Variants in NRG1 observed in about 807,000 individuals in gnomAD.
The protein encoded by NRG1 is pro-neuregulin-1, membrane-bound isoform.
Under a neutral mutation model 63.8 loss-of-function variants are expected in NRG1, and 18 were observed. The observed-to-expected ratio is 0.28, with a 90% CI of 0.19 to 0.42. NRG1 has a LOEUF of 0.42. Ranked by LOEUF, NRG1 falls within the 10% of genes least tolerant of loss-of-function variation. The pLI is 1.00. For synonymous variants in NRG1, 302 were observed against 301.3 expected (o/e 1.00, Z -0.02); for missense variants, 762 against 814.7 (o/e 0.94, Z 0.79).
intron 1 of NRG1, among the ~76,000 whole-genome samples, chr8:31,886,515 C>A (rs996733480): frequency 5.3e-5 from 8 of 151,954 alleles, no homozygotes; most frequent in Non-Finnish European, 1.0e-4. Flanking sequence ...TAGAAAACAG[C>A]AAAAATAATT....
intron 7 of NRG1, chr8:32,748,763 C>A (rs1010150991): frequency 4.4e-6 from 2 of 452,688 alleles, no homozygotes; most frequent in African/African-American, 2.0e-5. Flanking sequence ...TGGATCTTTC[C>A]CACTTATTTT....
chr8:32,685,602 G>A (rs1185670419), intron 5 of NRG1, among the ~76,000 whole-genome samples: 1 of 152,148 alleles, frequency 6.6e-6, no homozygotes, highest in African/African-American at 2.4e-5. Flanking sequence ...TAGTGTGTCA[G>A]CAACTAGTCT....
chr8:32,715,380 G>C (rs530834320), intron 5 of NRG1, among the ~76,000 whole-genome samples: 4 of 152,256 alleles, frequency 2.6e-5, no homozygotes, highest in African/African-American at 7.2e-5. Context: ...TTCAGACTTA[G>C]AGGAAAATCC....
intron 1 of NRG1, among the ~76,000 whole-genome samples, chr8:31,801,121 A>G (rs1821745529): frequency 1.3e-5 from 2 of 151,854 alleles, no homozygotes; most frequent in Non-Finnish European, 2.9e-5. Flanking sequence ...TGCTGGGGTT[A>G]CAAGTGTGAG....
intron 1 of NRG1, among the ~76,000 whole-genome samples, chr8:31,853,471 G>A (rs1226965189): frequency 1.3e-5 from 2 of 149,890 alleles, no homozygotes; most frequent in East Asian, 2.0e-4. Flanking sequence ...TGTATCCTGA[G>A]ACTTTGCTGA....
chr8:31,696,039 A>G (rs2131158984), intron 1 of NRG1, among the ~76,000 whole-genome samples: 1 of 152,234 alleles, frequency 6.6e-6, no homozygotes, highest in East Asian at 1.9e-4. Flanking sequence ...TAATGTATAC[A>G]TTCAAAAATA....
chr8:32,213,223 C>A (rs1482674366), intron 1 of NRG1, among the ~76,000 whole-genome samples: 1 of 152,170 alleles, frequency 6.6e-6, no homozygotes, highest in Non-Finnish European at 1.5e-5. Flanking sequence ...AAATACCCAT[C>A]ATTGATAGAC....
intron 1 of NRG1, among the ~76,000 whole-genome samples, chr8:32,248,901 ATT>A (rs1848830424): frequency 6.6e-6 from 1 of 152,054 alleles, no homozygotes; most frequent in Non-Finnish European, 1.5e-5. Context: ...ATTGTTAAAT[ATT>A]GTTTGCCAAA....
chr8:31,934,258 A>G (rs187684043), intron 1 of NRG1, among the ~76,000 whole-genome samples: 300 of 152,108 alleles, frequency 2.0e-3, no homozygotes, highest in African/African-American at 7.0e-3. Flanking sequence ...ACACTTGCTA[A>G]TGAGAAAGGA....
intron 1 of NRG1, among the ~76,000 whole-genome samples, chr8:32,525,014 T>C (rs1046946117): frequency 6.6e-6 from 1 of 152,214 alleles, no homozygotes; most frequent in Non-Finnish European, 1.5e-5. Context: ...ATCCAATATT[T>C]GCCCTCCAGA....
chr8:31,983,409 ACT>A (rs1422912838), intron 1 of NRG1, among the ~76,000 whole-genome samples: 1 of 151,942 alleles, frequency 6.6e-6, no homozygotes, highest in African/African-American at 2.4e-5. Flanking sequence ...ACAGGATCTC[ACT>A]CTGTTGCCCA....
chr8:31,897,224 G>T (rs1831643585), intron 1 of NRG1, among the ~76,000 whole-genome samples: 1 of 152,136 alleles, frequency 6.6e-6, no homozygotes, highest in South Asian at 2.1e-4. Context: ...GGCCATGATA[G>T]GATGGGGGAG....
intron 1 of NRG1, among the ~76,000 whole-genome samples, chr8:31,812,152 A>G (rs1822950718): frequency 6.6e-6 from 1 of 152,208 alleles, no homozygotes; most frequent in Non-Finnish European, 1.5e-5. Flanking sequence ...TTAAATACAT[A>G]GTACCATAGA....
intron 1 of NRG1, among the ~76,000 whole-genome samples, chr8:32,035,804 T>A (rs1235069306): frequency 6.6e-6 from 1 of 152,212 alleles, no homozygotes; most frequent in East Asian, 1.9e-4. Context: ...TTTTCCTCCA[T>A]CCCTTTATTT....
At chr8:32,064,112 T>C (rs1346623287) in intron 1 of NRG1, among the ~76,000 whole-genome samples, 2 of 152,118 alleles carry the variant, frequency 1.3e-5, no homozygotes, top group African/African-American at 4.8e-5. Flanking sequence ...CAAAGAAATG[T>C]TATCTAGAAA....
At chr8:32,311,231 A>G (rs1357053881) in intron 1 of NRG1, among the ~76,000 whole-genome samples, 1 of 152,198 alleles carries the variant, frequency 6.6e-6, no homozygotes, top group African/African-American at 2.4e-5. Flanking sequence ...CAAGACAGAT[A>G]AGATTCCTGT....
chr8:31,983,299 T>C (rs1330770370), intron 1 of NRG1, among the ~76,000 whole-genome samples: 1 of 152,124 alleles, frequency 6.6e-6, no homozygotes, highest in African/African-American at 2.4e-5. Flanking sequence ...ACTGCTTTTA[T>C]AAAGGACATA....
At chr8:31,848,120 G>T (rs760254696) in intron 1 of NRG1, among the ~76,000 whole-genome samples, 1 of 152,016 alleles carries the variant, frequency 6.6e-6, no homozygotes, top group African/African-American at 2.4e-5. Context: ...GGGGAAGGCC[G>T]GTAATTCAGG....
At chr8:32,360,793 C>T (rs56331740) in intron 1 of NRG1, among the ~76,000 whole-genome samples, 8,566 of 152,244 alleles carry the variant, frequency 0.056, 316 homozygotes, top group Middle Eastern at 0.099. Flanking sequence ...CCTTAACTAT[C>T]ACCAGGGAGT....
Sources: allele counts gnomAD v4.1 joint callset (sites outside exome capture counted in the v4.1 genomes callset), GRCh38; gene constraint gnomAD v4.1.1; transcripts MANE v1.5; gene names NCBI Gene and HGNC (gene_info 2026-07-23, HGNC 2026-07-21).